AFF3: variants seen among roughly 807,000 people sequenced by gnomAD.
AFF3 encodes AF4/FMR2 family member 3.
Under a neutral mutation model 129.7 loss-of-function variants are expected in AFF3, and 32 were observed. The ratio of observed to expected loss-of-function variants is 0.25; its 90% confidence interval spans 0.19 to 0.33. The LOEUF is 0.33. Among genes scored for constraint, AFF3 ranks in the 10% least tolerant of loss-of-function variants. The pLI is 1.00. For missense variants in AFF3, 1,373 were observed against 1,592.0 expected (o/e 0.86, Z 2.34); for synonymous variants, 644 against 635.4 (o/e 1.01, Z -0.20).
At position 100,006,878 on chromosome 2, in the gene AFF3, G is replaced by T; in HGVS notation, c.627C>A (p.Ser209Arg). The change falls in exon 7 of 25, where the codon AGC (serine) becomes AGA (arginine). Residue 209 changes from serine (S) to arginine (R), a missense_variant. Transcript: ENST00000672756. Reference protein sequence around the residue: ...PPAMAAKHSSSGHCVQNFPPS... With the variant: ...PPAMAAKHSSRGHCVQNFPPS... ...GAGGAAAGTTCTGAACACAGTGTCC[G>T]CTGCTGCTGTGCTTGGCCGCCATGG... The T allele has an allele frequency of 5.0e-6, 8 of 1,614,166 alleles. No individual in the cohort carries two copies. Among genetic ancestry groups the T allele is most frequent in the Non-Finnish European group, 5.1e-6 (6 of 1,180,028 alleles).
chr2:100,131,964 C>A (rs961298872), intron 1 of AFF3, among the ~76,000 whole-genome samples: 1 of 152,122 alleles, frequency 6.6e-6, no homozygotes, highest in African/African-American at 2.4e-5. Flanking sequence ...GGATGGAGTG[C>A]CTGCCTTGAG....
intron 13 of AFF3, among the ~76,000 whole-genome samples, chr2:99,626,397 C>T (rs1418422108): frequency 1.5e-5 from 2 of 137,010 alleles, no homozygotes; most frequent in African/African-American, 5.5e-5. Context: ...CCTTCTTCCT[C>T]CCTTCCCTTC....
intron 7 of AFF3, among the ~76,000 whole-genome samples, chr2:99,938,333 T>C (rs1199957842): frequency 1.3e-5 from 2 of 152,106 alleles, no homozygotes; most frequent in Non-Finnish European, 2.9e-5. Context: ...CTATCATCCA[T>C]AGAATGCATA....
intron 8 of AFF3, among the ~76,000 whole-genome samples, chr2:99,814,999 A>G (rs565049116): frequency 1.3e-5 from 2 of 152,058 alleles, no homozygotes; most frequent in Non-Finnish European, 2.9e-5. Context: ...ACAGGCGTGT[A>G]CCATCCCCCC....
chr2:99,958,484 CG>C (rs1338347192), intron 7 of AFF3, among the ~76,000 whole-genome samples: 21 of 119,248 alleles, frequency 1.8e-4, no homozygotes, highest in Non-Finnish European at 3.5e-4. Context: ...GACTCTGTCT[CG>C]AAAAAAAAAA....
At position 100,123,909 on chromosome 2, in the gene AFF3, G is replaced by A. The variant is rs868385933; in HGVS notation, c.-145+5315C>T. ...AAGAAACAAGAATGCCTTCCCCCCT[G>A]AAAAAAATGACAACCGAGGAACAGA... On this transcript the variant is annotated intron_variant, in intron 2 of 24. Coordinates refer to ENST00000672756, the MANE Select transcript of AFF3 (RefSeq NM_001386135.1). Among the ~76,000 whole-genome samples, 5 of 152,040 alleles carry A rather than the reference G, an allele frequency of 3.3e-5. No homozygotes were observed. The Middle Eastern group carries it at 0.014, about 414-fold the overall frequency.
At chr2:99,989,490 G>T (rs1485852937) in intron 7 of AFF3, among the ~76,000 whole-genome samples, 1 of 152,164 alleles carries the variant, frequency 6.6e-6, no homozygotes, top group African/African-American at 2.4e-5. Flanking sequence ...CCCGACAATG[G>T]TTTATATTTT....
intron 8 of AFF3, among the ~76,000 whole-genome samples, chr2:99,776,663 T>A (rs904058166): frequency 3.9e-5 from 6 of 152,218 alleles, no homozygotes; most frequent in Non-Finnish European, 7.3e-5. Flanking sequence ...GGAAGCAAGT[T>A]ATTTCCACCA....
intron 14 of AFF3, among the ~76,000 whole-genome samples, chr2:99,597,383 C>T (rs923198179): frequency 2.6e-5 from 4 of 152,138 alleles, no homozygotes; most frequent in Non-Finnish European, 5.9e-5. Context: ...TTTTGATGTT[C>T]GTATTTGTTT....
intron 7 of AFF3, among the ~76,000 whole-genome samples, chr2:99,896,524 A>C (rs1448910629): frequency 1.3e-5 from 2 of 150,408 alleles, no homozygotes; most frequent in Non-Finnish European, 3.0e-5. Context: ...AGAACCTGTC[A>C]GAAGTTTCCA....
intron 7 of AFF3, among the ~76,000 whole-genome samples, chr2:99,998,613 T>C (rs1262237917): frequency 6.6e-6 from 1 of 152,224 alleles, no homozygotes; most frequent in Non-Finnish European, 1.5e-5. Context: ...GTCAACCGTT[T>C]AGTGTGTATT....
In AFF3 at chr2:99,891,821, C is replaced by A. The variant is rs1417959371; in HGVS notation, c.874-54297G>T. ...TCTCAGGCCCTGGGCTTAAAGCCCA[C>A]CAGCACATTTTTTTTTTTTGAGACA... is the stretch of plus-strand genomic sequence containing the variant. On this transcript the variant is annotated intron_variant, in intron 7 of 24. Transcript: ENST00000672756. Among the ~76,000 whole-genome samples, 11 of 144,756 alleles carry A rather than the reference C, an allele frequency of 7.6e-5. No individual in the cohort carries two copies. The East Asian group carries it at 1.9e-3, about 25-fold the overall frequency. The allele number at this position is 144,756 out of a possible 152,430, so 95.0% of individuals were successfully genotyped here. A position where few individuals can be genotyped will look rare whatever the true frequency, so the allele number is the denominator to read the frequency against.
intron 4 of AFF3, among the ~76,000 whole-genome samples, chr2:100,020,653 T>C (rs1379041083): frequency 6.6e-6 from 1 of 152,098 alleles, no homozygotes; most frequent in African/African-American, 2.4e-5. Flanking sequence ...GACTGTGTGA[T>C]TTCCCATGCC....
At chr2:99,959,247 T>C (rs1040811482) in intron 7 of AFF3, among the ~76,000 whole-genome samples, 1 of 151,340 alleles carries the variant, frequency 6.6e-6, no homozygotes, top group African/African-American at 2.4e-5. Context: ...TAATAAAATA[T>C]TGCTTTTGTT....
chr2:99,976,416 T>C (rs1328961588), intron 7 of AFF3, among the ~76,000 whole-genome samples: 1 of 152,204 alleles, frequency 6.6e-6, no homozygotes, highest in African/African-American at 2.4e-5. Flanking sequence ...CCCGCAGATA[T>C]ACATACATAT....
At chr2:99,675,549 T>C (rs1687531614) in intron 11 of AFF3, among the ~76,000 whole-genome samples, 2 of 152,226 alleles carry the variant, frequency 1.3e-5, no homozygotes, top group South Asian at 2.1e-4. Context: ...CGCTTGTTCT[T>C]GTCTGTGACC....
intron 10 of AFF3, among the ~76,000 whole-genome samples, chr2:99,738,559 A>T (rs1046458673): frequency 6.6e-6 from 1 of 152,124 alleles, no homozygotes; most frequent in Non-Finnish European, 1.5e-5. Flanking sequence ...TAGATTTCCT[A>T]GATTTCCTTT....
At chr2:99,847,415 C>T (rs919280951) in intron 7 of AFF3, among the ~76,000 whole-genome samples, 3 of 152,036 alleles carry the variant, frequency 2.0e-5, no homozygotes, top group Middle Eastern at 3.4e-3. Flanking sequence ...ACCTTTAGTT[C>T]GTGCCTGTAA....
chr2:99,569,375 C>T (rs761454368), intron 18 of AFF3, among the ~76,000 whole-genome samples: 2 of 151,838 alleles, frequency 1.3e-5, no homozygotes, highest in Non-Finnish European at 2.9e-5. Context: ...TATCTAGTAC[C>T]TAGAGTTTTA....
Sources: gnomAD v4.1 joint callset for allele counts (sites outside exome capture counted in the v4.1 genomes callset) on GRCh38, gnomAD v4.1.1 for gene constraint, MANE v1.5 for transcripts, NCBI Gene and HGNC (gene_info 2026-07-23, HGNC 2026-07-21) for gene names.